ADORA2B: variants seen among roughly 807,000 people sequenced by gnomAD.
ADORA2B encodes the protein adenosine receptor A2b.
Under a neutral mutation model 20.8 loss-of-function variants are expected in ADORA2B, and 18 were observed. The ratio of observed to expected loss-of-function variants is 0.87; its 90% confidence interval spans 0.60 to 1.29. The LOEUF is 1.29. ADORA2B is among the 50% of genes most tolerant of loss of function. ADORA2B has a pLI of 0.00. For synonymous variants in ADORA2B, 179 were observed against 178.3 expected (o/e 1.00, Z -0.03); for missense variants, 441 against 422.7 (o/e 1.04, Z -0.38).
At chr17:15,932,726 A>G in the ADORA2B span, among the ~76,000 whole-genome samples, 1 of 152,100 alleles carries the variant, frequency 6.6e-6, no homozygotes, top group African/African-American at 2.4e-5. Flanking sequence ...TTAAATTGTC[A>G]TGGAATCCCT....
intron 1 of ADORA2B, among the ~76,000 whole-genome samples, chr17:15,950,311 C>G (rs1969881862): frequency 6.6e-6 from 1 of 152,208 alleles, no homozygotes; most frequent in Non-Finnish European, 1.5e-5. Flanking sequence ...TGGCCCACAC[C>G]TGGAAGTCAG....
chr17:15,893,828 A>C, the ADORA2B span, among the ~76,000 whole-genome samples: 1 of 152,304 alleles, frequency 6.6e-6, no homozygotes, highest in Non-Finnish European at 1.5e-5. Flanking sequence ...ATTTTACTAC[A>C]ATCACCATAA....
At chr17:15,850,541 T>A in the ADORA2B span, 1 of 157,316 alleles carries the variant, frequency 6.4e-6, no homozygotes, top group South Asian at 2.1e-4. Context: ...TGGAACAACA[T>A]GTAAATGTTC....
chr17:15,910,393 G>A, the ADORA2B span, among the ~76,000 whole-genome samples: 1 of 151,984 alleles, frequency 6.6e-6, no homozygotes, highest in African/African-American at 2.4e-5. Flanking sequence ...CATCTCCTCG[G>A]TTCAAGTGAG....
At chr17:15,914,307 C>T in the ADORA2B span, among the ~76,000 whole-genome samples, 94 of 152,212 alleles carry the variant, frequency 6.2e-4, no homozygotes, top group Non-Finnish European at 1.2e-3. Context: ...AGGGATCCTT[C>T]CACCTCAGCC....
the ADORA2B span, among the ~76,000 whole-genome samples, chr17:15,855,698 T>C: frequency 6.6e-6 from 1 of 151,960 alleles, no homozygotes; most frequent in African/African-American, 2.4e-5. Context: ...TTTTCTAAAA[T>C]TTCAACTTTA....
chr17:15,974,524 G>C (rs758417725), intron 1 of ADORA2B, 155 bp from the exon 2 acceptor site: 2 of 620,326 alleles, frequency 3.2e-6, no homozygotes, highest in Non-Finnish European at 5.6e-6. Context: ...ATCCCTGCTT[G>C]CATGTCTTTA....
the ADORA2B span, among the ~76,000 whole-genome samples, chr17:15,910,051 G>A: frequency 6.6e-6 from 1 of 152,206 alleles, no homozygotes; most frequent in South Asian, 2.1e-4. Flanking sequence ...GTGGTTGAGG[G>A]AAATGGGTAA....
chr17:15,975,336 C>T lies in ADORA2B; in HGVS notation c.993C>T (p.Gly331=), dbSNP rs1289858696. 4 of 1,610,540 alleles carry T rather than the reference C, an allele frequency of 2.5e-6. No individual in the cohort carries two copies. Among genetic ancestry groups the T allele is most frequent in the East Asian group, 4.5e-5 (2 of 44,858 alleles). The change falls in exon 2 of 2, where the codon GGC becomes GGT. Residue 331 remains glycine (G), a synonymous_variant. Transcript: ENST00000304222. ...GGGTACAGCCTGCTCTCGGTGTGGG[C>T]CTATGATCTAGGCTCTCGCCTCTTC... ...QAGVQPALGV[G]L is the part of the protein sequence containing the mutation.
the ADORA2B span, among the ~76,000 whole-genome samples, chr17:15,894,466 G>A: frequency 1.3e-5 from 2 of 152,190 alleles, no homozygotes; most frequent in Admixed American, 6.5e-5. Flanking sequence ...GTGTGGTCAA[G>A]GACATGGAAG....
the ADORA2B span, among the ~76,000 whole-genome samples, chr17:15,893,359 G>C: frequency 1.3e-5 from 2 of 152,328 alleles, no homozygotes; most frequent in African/African-American, 4.8e-5. Context: ...GAAAAATAAT[G>C]TTAAGTTTCT....
At chr17:15,899,287 A>C in the ADORA2B span, among the ~76,000 whole-genome samples, 15 of 152,300 alleles carry the variant, frequency 9.8e-5, no homozygotes, top group Admixed American at 9.2e-4. Context: ...AACTACACCC[A>C]GTCAGAACTG....
intron 1 of ADORA2B, among the ~76,000 whole-genome samples, chr17:15,971,856 T>C (rs1339170729): frequency 6.6e-6 from 1 of 152,036 alleles, no homozygotes; most frequent in Non-Finnish European, 1.5e-5. Context: ...TGGTCTCAAA[T>C]GCCTGACCTC....
At chr17:15,960,997 C>T (rs952285150) in intron 1 of ADORA2B, among the ~76,000 whole-genome samples, 11 of 151,190 alleles carry the variant, frequency 7.3e-5, no homozygotes, top group African/African-American at 2.7e-4. Flanking sequence ...GAAACCCCGT[C>T]TCTACTAAAA....
the ADORA2B span, chr17:15,858,820 T>C: frequency 6.5e-6 from 1 of 154,932 alleles, no homozygotes; most frequent in Non-Finnish European, 1.4e-5. Context: ...CCCTTACAGG[T>C]AAATTATATA....
chr17:15,882,165 G>A, the ADORA2B span, among the ~76,000 whole-genome samples: 1 of 152,218 alleles, frequency 6.6e-6, no homozygotes, highest in Non-Finnish European at 1.5e-5. Flanking sequence ...TGTAGAATTA[G>A]AGGCAAGAGG....
chr17:15,933,889 A>G, the ADORA2B span, among the ~76,000 whole-genome samples: 1 of 152,108 alleles, frequency 6.6e-6, no homozygotes, highest in African/African-American at 2.4e-5. Context: ...CCCCCAATAC[A>G]ATTCTGAATA....
chr17:15,883,097 T>C, the ADORA2B span, among the ~76,000 whole-genome samples: 109 of 152,354 alleles, frequency 7.2e-4, no homozygotes, highest in Middle Eastern at 3.4e-3. Flanking sequence ...AAGACACTTA[T>C]GATTTTAGAG....
At chr17:15,942,961 C>G (rs1416440333), upstream of ADORA2B, among the ~76,000 whole-genome samples, 1 of 152,194 alleles carries the variant, frequency 6.6e-6, no homozygotes, top group East Asian at 1.9e-4. Flanking sequence ...CCTCCTCTAA[C>G]CCTTTGCCCT....
Sources: allele counts gnomAD v4.1 joint callset (sites outside exome capture counted in the v4.1 genomes callset), GRCh38; gene constraint gnomAD v4.1.1; transcripts MANE v1.5; gene names NCBI Gene and HGNC (gene_info 2026-07-23, HGNC 2026-07-21).